The following CDK14 variants were observed in gnomAD, a reference collection of about 807,000 sequenced individuals.
CDK14 encodes the protein cyclin dependent kinase 14, also known as cyclin-dependent kinase 14.
A neutral mutation model predicts 60.7 loss-of-function variants in CDK14; 34 were observed. The observed-to-expected ratio is 0.56, with a 90% CI of 0.43 to 0.75. The LOEUF is 0.75. Among genes scored for constraint, CDK14 ranks in the 30% least tolerant of loss-of-function variants. CDK14 has a pLI of 0.00. For missense variants in CDK14, 482 were observed against 564.1 expected (o/e 0.85, Z 1.47); for synonymous variants, 197 against 203.7 (o/e 0.97, Z 0.28).
At chr7:91,115,842 A>G (rs941664688) in intron 13 of CDK14, among the ~76,000 whole-genome samples, 1 of 152,190 alleles carries the variant, frequency 6.6e-6, no homozygotes, top group East Asian at 1.9e-4. Context: ...TAGTAATGTA[A>G]TATCTTTCTT....
At chr7:90,799,107 C>T (rs1788538384) in intron 5 of CDK14, among the ~76,000 whole-genome samples, 1 of 152,144 alleles carries the variant, frequency 6.6e-6, no homozygotes, top group South Asian at 2.1e-4. Flanking sequence ...GGTGAATGAA[C>T]CAGTTGTCTC....
intron 2 of CDK14, chr7:90,716,279 C>T (rs1219225377): frequency 6.6e-6 from 1 of 151,944 alleles, no homozygotes; most frequent in Non-Finnish European, 1.5e-5. Context: ...AAAGGAGGAC[C>T]TGTTTTAGGA....
At chr7:91,013,299 C>T (rs80026482) in intron 10 of CDK14, among the ~76,000 whole-genome samples, 2,175 of 151,888 alleles carry the variant, frequency 0.014, 48 homozygotes, top group African/African-American at 0.049. Context: ...TAGTATTAAA[C>T]TCATCTATTT....
At chr7:90,774,221 T>C (rs184000282) in intron 4 of CDK14, among the ~76,000 whole-genome samples, 15 of 152,274 alleles carry the variant, frequency 9.9e-5, no homozygotes, top group Admixed American at 4.6e-4. Context: ...GTCTTTCTTA[T>C]ACCAGTTATA....
At position 90,873,023 on chromosome 7, in the gene CDK14, A is replaced by G. The variant is rs188588870; in HGVS notation, c.639+9754A>G. On this transcript the variant is annotated intron_variant, in intron 6 of 14. Coordinates refer to ENST00000380050, the MANE Select transcript of CDK14 (RefSeq NM_001287135.2). ...TAAAAAGATAATTCCTTTGGAAAGA[A>G]AAGTATATATTTCTCATGTTAATTT... 5.3e-5 allele frequency among the ~76,000 whole-genome samples: 8 copies of G among 152,316 alleles called. No homozygotes were observed. In the East Asian group the frequency reaches 1.3e-3, roughly 26 times the overall value.
intron 2 of CDK14, among the ~76,000 whole-genome samples, chr7:90,699,463 A>G (rs1244464195): frequency 6.6e-6 from 1 of 152,246 alleles, no homozygotes; most frequent in Non-Finnish European, 1.5e-5. Context: ...AAGTATTCCC[A>G]TAAGATTGGT....
At chr7:90,603,900 T>G (rs187487441) in intron 1 of CDK14, among the ~76,000 whole-genome samples, 6 of 152,354 alleles carry the variant, frequency 3.9e-5, no homozygotes, top group Admixed American at 3.9e-4. Flanking sequence ...GATTACTTCG[T>G]GATTCTTTTA....
At chr7:90,773,179 T>C (rs1804858312) in intron 4 of CDK14, among the ~76,000 whole-genome samples, 1 of 152,230 alleles carries the variant, frequency 6.6e-6, no homozygotes, top group Non-Finnish European at 1.5e-5. Flanking sequence ...AAAACAGTTA[T>C]AAGCAGAGTA....
intron 2 of CDK14, among the ~76,000 whole-genome samples, chr7:90,683,962 G>C (rs531261321): frequency 4.0e-5 from 6 of 151,850 alleles, no homozygotes; most frequent in African/African-American, 1.4e-4. Context: ...TCACATGCAT[G>C]TATGTGTATA....
intron 2 of CDK14, among the ~76,000 whole-genome samples, chr7:90,625,180 TAAAA>T (rs963141267): frequency 2.0e-5 from 3 of 150,994 alleles, no homozygotes; most frequent in African/African-American, 7.3e-5. Flanking sequence ...TTCTAAAAAA[TAAAA>T]AAAAACCTGG....
intron 12 of CDK14, among the ~76,000 whole-genome samples, chr7:91,090,968 C>T (rs762199843): frequency 2.1e-5 from 3 of 142,848 alleles, no homozygotes; most frequent in Non-Finnish European, 4.5e-5. Flanking sequence ...AAGCTTGACA[C>T]CCAGCTCATT....
At chr7:91,022,164 A>G (rs1796448860) in intron 10 of CDK14, among the ~76,000 whole-genome samples, 1 of 152,144 alleles carries the variant, frequency 6.6e-6, no homozygotes, top group Non-Finnish European at 1.5e-5. Flanking sequence ...GTGTAGAATC[A>G]CTTCCATTCC....
chr7:90,901,489 A>T (rs527867108), intron 7 of CDK14, among the ~76,000 whole-genome samples: 1 of 152,236 alleles, frequency 6.6e-6, no homozygotes, highest in Non-Finnish European at 1.5e-5. Context: ...TAAAAGCAGC[A>T]AAATGTATTC....
At chr7:90,678,731 A>G (rs779562833) in intron 2 of CDK14, among the ~76,000 whole-genome samples, 11 of 152,102 alleles carry the variant, frequency 7.2e-5, no homozygotes, top group Admixed American at 2.6e-4. Flanking sequence ...CAGAAATCAT[A>G]ATTGGTTCAT....
At chr7:90,709,233 T>C (rs1273662867) in intron 2 of CDK14, 1 of 350,420 alleles carries the variant, frequency 2.9e-6, no homozygotes, top group Non-Finnish European at 5.1e-6. Flanking sequence ...ATATGACAAA[T>C]ATATACACGT....
chr7:91,072,356 C>T (rs1211744563), intron 11 of CDK14, among the ~76,000 whole-genome samples: 1 of 152,112 alleles, frequency 6.6e-6, no homozygotes, highest in Non-Finnish European at 1.5e-5. Context: ...CAAGTTCACT[C>T]CAGGTGCAGG....
intron 3 of CDK14, among the ~76,000 whole-genome samples, chr7:90,743,129 T>C (rs1436359516): frequency 1.3e-5 from 2 of 152,152 alleles, no homozygotes; most frequent in African/African-American, 4.8e-5. Flanking sequence ...TTTCAGATTT[T>C]TGGAACATTT....
chr7:91,019,614 G>A (rs1409110089), intron 10 of CDK14, among the ~76,000 whole-genome samples: 1 of 151,822 alleles, frequency 6.6e-6, no homozygotes, highest in Non-Finnish European at 1.5e-5. Flanking sequence ...ATATTTTTTT[G>A]TAATGCCTTA....
intron 4 of CDK14, among the ~76,000 whole-genome samples, chr7:90,784,684 T>C (rs945183932): frequency 1.3e-5 from 2 of 152,176 alleles, no homozygotes; most frequent in Non-Finnish European, 2.9e-5. Context: ...TTTTAATTTA[T>C]TTTTCTGGAA....
Sources: allele counts gnomAD v4.1 joint callset (sites outside exome capture counted in the v4.1 genomes callset), GRCh38; gene constraint gnomAD v4.1.1; transcripts MANE v1.5; gene names NCBI Gene and HGNC (gene_info 2026-07-23, HGNC 2026-07-21).